ALB: variants seen among roughly 807,000 people sequenced by gnomAD.
ALB encodes serum albumin.
In ALB, 37 loss-of-function variants were observed where a neutral mutation model predicts 74.5. The ratio of observed to expected loss-of-function variants is 0.50; its 90% CI spans 0.38 to 0.65. The LOEUF is 0.65. Ranked by LOEUF, ALB falls within the 30% of genes least tolerant of loss-of-function variation. ALB has a pLI of 0.00. For synonymous variants in ALB, 249 were observed against 251.6 expected, an observed-to-expected ratio of 0.99 and a Z score of 0.10; for missense variants, 685 against 718.7, an observed-to-expected ratio of 0.95 and a Z score of 0.54.
intron 9 of ALB, 96 bp downstream of exon 9, chr4:73,415,263 C>T: frequency 7.1e-7 from 1 of 1,400,102 alleles, no homozygotes; most frequent in Admixed American, 1.7e-5. Context: ...ATATACAGTG[C>T]AATTTAGATC....
intron 8 of ALB, 44 bp from the exon 9 acceptor site, chr4:73,414,991 G>C (rs757825593): frequency 1.2e-6 from 2 of 1,605,320 alleles, no homozygotes; most frequent in East Asian, 4.5e-5. Flanking sequence ...TATTTTTTGT[G>C]CTCATTTGTC....
intron 11 of ALB, 23 bp downstream of exon 11, chr4:73,417,692 T>C: frequency 6.6e-7 from 1 of 1,522,790 alleles, no homozygotes; most frequent in Non-Finnish European, 8.8e-7. Context: ...AAAAATATAA[T>C]AAATTAATAA....
intron 9 of ALB, 149 bp from the exon 10 acceptor site, chr4:73,416,107 G>C: frequency 1.5e-6 from 1 of 652,072 alleles, no homozygotes; most frequent in Non-Finnish European, 2.8e-6. Context: ...TAGTTCGAAT[G>C]TATTGTGACA....
intron 12 of ALB, among the ~76,000 whole-genome samples, chr4:73,418,669 T>C (rs1020390739): frequency 2.6e-5 from 4 of 152,196 alleles, no homozygotes; most frequent in Non-Finnish European, 2.9e-5. Context: ...TGTAAATAAT[T>C]ATTTTAAGTT....
At chr4:73,406,880 C>T (rs778723170) in intron 3 of ALB, 119 bp downstream of exon 3, 24 of 1,226,836 alleles carry the variant, frequency 2.0e-5, no homozygotes, top group Non-Finnish European at 2.6e-5. Flanking sequence ...GTAAGAAACA[C>T]TAAAAAGTTG....
At chr4:73,410,209 A>G (rs746213982) in intron 5 of ALB, 103 bp from the exon 6 acceptor site, 126 of 864,902 alleles carry the variant, frequency 1.5e-4, no homozygotes, top group Non-Finnish European at 1.3e-4. Context: ...GGCATAAATT[A>G]TGCCTTCAAA....
intron 3 of ALB, 135 bp from the exon 4 acceptor site, chr4:73,408,459 G>A (rs911209219): frequency 1.9e-5 from 14 of 750,626 alleles, no homozygotes; most frequent in Admixed American, 9.2e-5. Context: ...TGTAAACCTC[G>A]ATTGGGAGGG....
Position 73,404,350 on chromosome 4 carries a change from C to T in ALB, c.23C>T (p.Ser8Phe), listed in dbSNP as rs1445148767. The change falls in exon 1 of 15, where the codon TCC becomes TTC. Residue 8 changes from serine to phenylalanine, a missense_variant. Ser to Phe is a radical substitution (Grantham distance 155). Coordinates refer to ENST00000295897, the MANE Select transcript of ALB (RefSeq NM_000477.7). ...ACAATGAAGTGGGTAACCTTTATTT[C>T]CCTTCTTTTTCTCTTTAGCTCGGCT... MKWVTFI[S>F]LLFLFSSAYS... 4 of 1,613,750 alleles carry T rather than the reference C, an allele frequency of 2.5e-6. No individual in the cohort carries two copies. The highest frequency in any genetic ancestry group is 3.4e-6 in the Non-Finnish European group (4 of 1,179,766).
intron 14 of ALB, among the ~76,000 whole-genome samples, chr4:73,420,596 C>T (rs965318148): frequency 2.0e-5 from 3 of 152,136 alleles, no homozygotes; most frequent in African/African-American, 7.2e-5. Context: ...ACCAAAGTTT[C>T]AGTGTTGCCC....
intron 4 of ALB, 130 bp from the exon 5 acceptor site, chr4:73,409,225 G>A: frequency 3.1e-6 from 3 of 972,442 alleles, no homozygotes; most frequent in Middle Eastern, 2.4e-4. Context: ...ACCATCATGT[G>A]CAAATTGAGC....
intron 6 of ALB, among the ~76,000 whole-genome samples, 191 bp downstream of exon 6, chr4:73,410,600 T>C (rs1196650760): frequency 6.6e-6 from 1 of 152,204 alleles, no homozygotes; most frequent in African/African-American, 2.4e-5. Context: ...TTTAATCTTT[T>C]CTTTTCTAAA....
rs916755136 is a variant in ALB, at chr4:73,404,501, G to A, written c.79+95G>A. The A allele has an allele frequency of 1.3e-5, 14 of 1,102,088 alleles. No individual in the cohort carries two copies. The South Asian group carries it at 1.3e-4, about 10-fold the overall frequency. The allele number at this position is 1,102,088 out of a possible 1,614,324, so 68.3% of individuals were successfully genotyped here. On this transcript the variant is annotated intron_variant, in intron 1 of 14. Coordinates refer to ENST00000295897, the MANE Select transcript of ALB (RefSeq NM_000477.7). The stretch of plus-strand genomic sequence containing the variant: ...TCTGCATCTTTAAAGAATTATTTTG[G>A]CATTTATTTCTAAAATGGCATAGTA...
At position 73,418,307 on chromosome 4, in the gene ALB, C is replaced by A. The variant is rs1276887610; in HGVS notation, c.1648C>A (p.Gln550Lys). ...TGAGAAGGAGAGACAAATCAAGAAA[C>A]AAACGTGAGGAGTATTTCATTACTG... Reference protein sequence around the residue: ...LSEKERQIKKQTALVELVKHK... With the variant: ...LSEKERQIKKKTALVELVKHK... Residue 550 changes from glutamine (Q) to lysine (K), a missense_variant, in exon 12 of 15, where the codon CAA (glutamine) becomes AAA (lysine). Gln to Lys is a moderately conservative substitution (Grantham distance 53). Transcript: ENST00000295897. The A allele has an allele frequency of 6.2e-7, 1 of 1,611,834 alleles. No homozygotes were observed. Among genetic ancestry groups the A allele is most frequent in the African/African-American group, 1.3e-5 (1 of 75,010 alleles).
intron 4 of ALB, 156 bp from the exon 5 acceptor site, chr4:73,409,199 G>T: frequency 1.3e-6 from 1 of 780,736 alleles, no homozygotes; most frequent in South Asian, 1.8e-5. Flanking sequence ...CATACTTAAA[G>T]AATGACAGAG....
chr4:73,417,429 C>T (rs1175016317), intron 10 of ALB, 102 bp from the exon 11 acceptor site: 4 of 1,409,672 alleles, frequency 2.8e-6, no homozygotes, highest in East Asian at 2.3e-5. Context: ...ATGAATGGAA[C>T]ATAGCAACAT....
chr4:73,405,300 G>A, intron 2 of ALB, 127 bp downstream of exon 2: 1 of 788,360 alleles, frequency 1.3e-6, no homozygotes, highest in East Asian at 2.7e-5. Flanking sequence ...AGAGTTTTCT[G>A]CGTTGAGGAA....
chr4:73,408,718 A>G lies in ALB; in HGVS notation c.395A>G (p.Asp132Gly). ...GAATGCTTCTTGCAACACAAAGATG[A>G]CAACCCAAACCTCCCCCGATTGGTG... is the stretch of plus-strand genomic sequence containing the variant. The part of the protein sequence containing the change: ...RNECFLQHKD[D>G]NPNLPRLVRP... Residue 132 changes from aspartate to glycine, a missense_variant, in exon 4 of 15, where the codon GAC becomes GGC. Physicochemically the swap from Asp to Gly is moderately conservative, Grantham distance 94. Transcript: ENST00000295897. 6.2e-7 allele frequency: 1 copy of G among 1,614,078 alleles called. No individual in the cohort carries two copies. The highest frequency in any genetic ancestry group is 8.5e-7 in the Non-Finnish European group (1 of 1,179,938).
chr4:73,412,232 T>C lies in ALB; in HGVS notation c.843+107T>C, dbSNP rs1043742974. On this transcript the variant is annotated intron_variant, in intron 7 of 14. Coordinates refer to ENST00000295897, the MANE Select transcript of ALB (RefSeq NM_000477.7). ...CTGACAGTGGGTTGAGATTGTCTTC[T>C]GTGCTTTCGTCTGTCCTATCTTCAA... is the stretch of plus-strand genomic sequence containing the variant. The C allele has an allele frequency of 1.6e-5, 22 of 1,380,870 alleles. No homozygotes were observed. In the African/African-American group the frequency reaches 2.3e-4, roughly 14 times the overall value. The allele number at this position is 1,380,870 out of a possible 1,614,324, so 85.5% of individuals were successfully genotyped here. A position where few individuals can be genotyped will look rare whatever the true frequency, so the allele number is the denominator to read the frequency against.
At chr4:73,405,652 G>A (rs931890491) in intron 2 of ALB, among the ~76,000 whole-genome samples, 4 of 151,428 alleles carry the variant, frequency 2.6e-5, no homozygotes, top group Non-Finnish European at 5.9e-5. Context: ...GTGCAGTGGC[G>A]CAATCTCGGC....
Sources: allele counts gnomAD v4.1 joint callset (sites outside exome capture counted in the v4.1 genomes callset), GRCh38; gene constraint gnomAD v4.1.1; transcripts MANE v1.5; gene names NCBI Gene and HGNC (gene_info 2026-07-23, HGNC 2026-07-21).